Variants in ARID1B observed in about 807,000 individuals in gnomAD.
ARID1B encodes AT-rich interactive domain-containing protein 1B.
A neutral mutation model predicts 212.3 loss-of-function variants in ARID1B; 30 were observed. The observed-to-expected ratio is 0.14, with a 90% confidence interval of 0.11 to 0.19. The LOEUF (loss-of-function observed/expected upper bound fraction) is 0.19. ARID1B is among the 10% of genes least tolerant of loss of function. The pLI is 1.00. For missense variants in ARID1B, 2,891 were observed against 3,204.0 expected (o/e 0.90, Z 2.36); for synonymous variants, 1,402 against 1,301.7 (o/e 1.08, Z -1.66).
chr6:157,176,752 A>G (rs1192524620), intron 11 of ARID1B, among the ~76,000 whole-genome samples: 1 of 152,200 alleles, frequency 6.6e-6, no homozygotes, highest in Non-Finnish European at 1.5e-5. Context: ...AGGCTGAGGC[A>G]GGAAAATCAC....
At chr6:157,004,903 T>TC (rs1159982323) in intron 4 of ARID1B, among the ~76,000 whole-genome samples, 1 of 82,210 alleles carries the variant, frequency 1.2e-5, no homozygotes, top group Non-Finnish European at 2.4e-5. Flanking sequence ...TTTTCTTTTT[T>TC]TTTTTTTTTT....
At chr6:157,077,065 A>T (rs1784357835) in intron 4 of ARID1B, among the ~76,000 whole-genome samples, 3 of 152,324 alleles carry the variant, frequency 2.0e-5, no homozygotes, top group African/African-American at 7.2e-5. Flanking sequence ...TCTCACATGG[A>T]CCTGAAATGA....
At chr6:156,958,377 A>G (rs531034243) in intron 4 of ARID1B, among the ~76,000 whole-genome samples, 1 of 152,364 alleles carries the variant, frequency 6.6e-6, no homozygotes, top group South Asian at 2.1e-4. Flanking sequence ...TTCAGCAGCA[A>G]AAGTAGATGG....
chr6:156,809,833 T>C (rs1284361354), intron 1 of ARID1B, among the ~76,000 whole-genome samples: 1 of 152,096 alleles, frequency 6.6e-6, no homozygotes, highest in Non-Finnish European at 1.5e-5. Flanking sequence ...GCCTTGGTTC[T>C]GACATGGGCT....
chr6:157,030,742 C>T (rs77197073), intron 4 of ARID1B, among the ~76,000 whole-genome samples: 14 of 152,320 alleles, frequency 9.2e-5, no homozygotes, highest in South Asian at 2.1e-4. Context: ...AACATCACAC[C>T]GCCTTGAAAT....
intron 4 of ARID1B, among the ~76,000 whole-genome samples, chr6:157,042,108 G>A (rs151215385): frequency 2.6e-5 from 4 of 152,256 alleles, no homozygotes; most frequent in Non-Finnish European, 4.4e-5. Flanking sequence ...TACATAAGCC[G>A]CTAATACCCC....
At position 157,060,760 on chromosome 6, in the gene ARID1B, T is replaced by C. The variant is rs113452569; in HGVS notation, c.2248-23902T>C. Among the ~76,000 whole-genome samples, 896 of 151,940 alleles carry C rather than the reference T, an allele frequency of 5.9e-3. 14 individuals are homozygous for C. The highest frequency in any genetic ancestry group is 0.021 in the African/African-American group (859 of 41,424). On this transcript the variant is annotated intron_variant, in intron 4 of 19. Coordinates refer to ENST00000636930, the MANE Select transcript of ARID1B (RefSeq NM_001374828.1). ...ATAAATATCTGCTGATGGTTTACTT[T>C]ACACATTTTTGATTCAGTCCTTAAC... is the stretch of plus-strand genomic sequence containing the variant.
intron 1 of ARID1B, among the ~76,000 whole-genome samples, chr6:156,813,057 T>TAC (rs1781700262): frequency 1.4e-5 from 2 of 144,854 alleles, no homozygotes; most frequent in African/African-American, 5.2e-5. Flanking sequence ...TACGTATGTA[T>TAC]ATACATATAT....
chr6:157,027,029 T>C (rs1377356361), intron 4 of ARID1B, among the ~76,000 whole-genome samples: 1 of 152,232 alleles, frequency 6.6e-6, no homozygotes, highest in Non-Finnish European at 1.5e-5. Flanking sequence ...GCAATTTATG[T>C]GAGAGAAGAA....
intron 2 of ARID1B, among the ~76,000 whole-genome samples, chr6:156,873,642 G>A (rs1786318017): frequency 6.6e-6 from 1 of 152,218 alleles, no homozygotes; most frequent in East Asian, 1.9e-4. Context: ...GAATTATTCA[G>A]CAAATGCAAT....
intron 2 of ARID1B, among the ~76,000 whole-genome samples, chr6:156,897,519 C>T (rs1788578514): frequency 6.6e-6 from 1 of 151,908 alleles, no homozygotes. Flanking sequence ...GTTGATCTGC[C>T]TACCTTGGCC....
rs2128374125 is a variant in ARID1B at position 157,201,043 on chromosome 6, C to A, written c.4818C>A (p.Gly1606=). 6.2e-7 allele frequency: 1 copy of A among 1,613,850 alleles called. No homozygotes were observed. The highest frequency in any genetic ancestry group is 8.5e-7 in the Non-Finnish European group (1 of 1,179,818). ...ACCAGAACAGGCAGGGCCCTGGCGG[C>A]CCTACACAGGCGCCCCCTTACCCAG... ...YPYQNRQGPG[G]PTQAPPYPGM... Residue 1606 remains glycine, a synonymous_variant, in exon 18 of 20, where the codon GGC becomes GGA. Coordinates refer to ENST00000636930, the MANE Select transcript of ARID1B (RefSeq NM_001374828.1). The surrounding 1 kb of genome is among the most constrained non-coding windows in gnomAD (Gnocchi z 5.2).
At chr6:156,974,258 G>A (rs937560034) in intron 4 of ARID1B, among the ~76,000 whole-genome samples, 5 of 152,096 alleles carry the variant, frequency 3.3e-5, no homozygotes, top group African/African-American at 1.2e-4. Context: ...ATTATTTTGG[G>A]AGCTTTATCT....
chr6:156,953,607 A>C (rs1483999961), intron 4 of ARID1B, among the ~76,000 whole-genome samples: 1 of 152,214 alleles, frequency 6.6e-6, no homozygotes, highest in Non-Finnish European at 1.5e-5. Flanking sequence ...TTCCCCCAGG[A>C]ATATGAGAAT....
chr6:157,194,799 A>G (rs1230320963), intron 15 of ARID1B: 4 of 152,180 alleles, frequency 2.6e-5, no homozygotes, highest in Admixed American at 1.3e-4. Flanking sequence ...CCATTTCATG[A>G]GATAATATTA....
At chr6:156,785,963 G>C (rs1402222096) in intron 1 of ARID1B, among the ~76,000 whole-genome samples, 1 of 152,124 alleles carries the variant, frequency 6.6e-6, no homozygotes, top group Admixed American at 6.5e-5. Flanking sequence ...TTCACTGCCA[G>C]TTATGTTATT....
intron 4 of ARID1B, among the ~76,000 whole-genome samples, chr6:157,016,962 A>C (rs1021524077): frequency 6.6e-6 from 1 of 152,208 alleles, no homozygotes; most frequent in Non-Finnish European, 1.5e-5. Flanking sequence ...TATCTCATTA[A>C]TTTTGTATTG....
intron 2 of ARID1B, among the ~76,000 whole-genome samples, chr6:156,893,044 C>CTTTTTTT (rs1562464668): frequency 1.1e-5 from 1 of 88,366 alleles, no homozygotes; most frequent in African/African-American, 5.2e-5. Flanking sequence ...CTTTTTTCTT[C>CTTTTTTT]CTTTTTTTTT....
intron 4 of ARID1B, among the ~76,000 whole-genome samples, chr6:156,993,240 C>T (rs1184020982): frequency 6.6e-6 from 1 of 152,114 alleles, no homozygotes; most frequent in Non-Finnish European, 1.5e-5. Context: ...TGGGGTTTCA[C>T]CATGTTGGCC....
Sources: gnomAD v4.1 joint callset for allele counts (sites outside exome capture counted in the v4.1 genomes callset) on GRCh38, gnomAD v4.1.1 for gene constraint, Gnocchi (gnomAD v3.1) non-coding constraint, MANE v1.5 for transcripts, NCBI Gene and HGNC (gene_info 2026-07-23, HGNC 2026-07-21) for gene names.